MTA3: variants seen among roughly 807,000 people sequenced by gnomAD.
The protein encoded by MTA3 is metastasis associated 1 family member 3.
Under a neutral mutation model 83.5 loss-of-function variants are expected in MTA3, and 34 were observed. The observed-to-expected ratio is 0.41, with a 90% confidence interval of 0.31 to 0.54. MTA3 has a LOEUF of 0.54. Ranked by LOEUF, MTA3 falls within the 20% of genes least tolerant of loss-of-function variation. The probability of loss-of-function intolerance (pLI) is 0.33; values close to 1 mark genes in which losing one functional copy is unlikely to be tolerated. For synonymous variants in MTA3, 303 were observed against 252.7 expected (o/e 1.20, Z -1.89); for missense variants, 761 against 726.4 (o/e 1.05, Z -0.55).
chr2:42,752,928 C>CTTTT lies in MTA3; in HGVS notation c.1760-446_1760-445insTTTT, dbSNP rs369993784. Among the ~76,000 whole-genome samples the CTTTT allele has an allele frequency of 5.7e-5, 8 of 139,916 alleles. 1 individual carries two copies. The highest frequency in any genetic ancestry group is 4.6e-5 in the Non-Finnish European group (3 of 65,632). The allele number at this position is 139,916 out of a possible 152,430, so 91.8% of individuals were successfully genotyped here. A position where few individuals can be genotyped will look rare whatever the true frequency, so the allele number is the denominator to read the frequency against. Reference sequence around the variant, plus strand: ...TCCAGTGTTAAACTACATTGTGAGCCCTTTTTTTTTTTTTCAGACAGGGTC... The same window carrying CTTTT: ...TCCAGTGTTAAACTACATTGTGAGCCTTTTCTTTTTTTTTTTTTCAGACAGGGTC... On this transcript the variant is annotated intron_variant, in intron 16 of 16. Coordinates refer to ENST00000405094, the MANE Select transcript of MTA3 (RefSeq NM_001330442.2).
At chr2:42,643,908 T>C (rs1370699683) in intron 5 of MTA3, among the ~76,000 whole-genome samples, 2 of 152,240 alleles carry the variant, frequency 1.3e-5, no homozygotes, top group Non-Finnish European at 2.9e-5. Context: ...ATAATCTACT[T>C]TGTTTCAAGC....
In MTA3 at chr2:42,754,543, C is replaced by A; in HGVS notation, c.*1144C>A. ...GTGCTGAGTAGCTGTGCTACTTGTG[C>A]TGGCAGCTGCAAGGATAGGAATAGC... On this transcript the variant is annotated 3_prime_UTR_variant, in exon 17 of 17. Coordinates refer to ENST00000405094, the MANE Select transcript of MTA3 (RefSeq NM_001330442.2). The A allele has an allele frequency of 1.0e-6, 1 of 985,442 alleles. No homozygotes were observed. Among genetic ancestry groups the A allele is most frequent in the Non-Finnish European group, 1.2e-6 (1 of 829,936 alleles). 61.0% of individuals were successfully genotyped at this position (985,442 alleles called of 1,614,324 possible). A position where few individuals can be genotyped will look rare whatever the true frequency, so the allele number is the denominator to read the frequency against.
At chr2:42,672,699 C>G (rs1690935686) in intron 8 of MTA3, among the ~76,000 whole-genome samples, 1 of 135,494 alleles carries the variant, frequency 7.4e-6, no homozygotes, top group Non-Finnish European at 1.6e-5. Context: ...TGAGTACACA[C>G]AAGAACATGA....
chr2:42,591,485 A>C (rs1300644104), intron 3 of MTA3, among the ~76,000 whole-genome samples: 2 of 152,078 alleles, frequency 1.3e-5, no homozygotes. Context: ...GAATTAACCC[A>C]ATTTATTATA....
intron 3 of MTA3, among the ~76,000 whole-genome samples, chr2:42,594,744 T>TTTTTTTTTTTA (rs1681548619): frequency 1.1e-4 from 5 of 47,186 alleles, no homozygotes; most frequent in Admixed American, 3.3e-4. Flanking sequence ...TTTTTTTTTT[T>TTTTTTTTTTTA]GAGACAGAGT....
intron 3 of MTA3, among the ~76,000 whole-genome samples, chr2:42,599,955 G>T (rs554895560): frequency 6.4e-4 from 98 of 152,220 alleles, no homozygotes; most frequent in African/African-American, 2.2e-3. Context: ...CCAGCACTTT[G>T]GGAGGCCGAG....
chr2:42,531,515 C>T (rs947823850), intron 2 of MTA3, among the ~76,000 whole-genome samples: 3 of 136,134 alleles, frequency 2.2e-5, no homozygotes, highest in African/African-American at 8.4e-5. Flanking sequence ...TGCAGTGGCC[C>T]AATCTTGGCT....
At chr2:42,605,675 C>A (rs1393374273) in intron 3 of MTA3, among the ~76,000 whole-genome samples, 2 of 126,524 alleles carry the variant, frequency 1.6e-5, no homozygotes, top group East Asian at 2.5e-4. Context: ...CTGACCCCCC[C>A]ACCTCCCTCC....
At chr2:42,647,795 C>CT (rs1191393526) in intron 6 of MTA3, among the ~76,000 whole-genome samples, 2 of 152,276 alleles carry the variant, frequency 1.3e-5, no homozygotes, top group African/African-American at 4.8e-5. Context: ...CAGAATGTTT[C>CT]TTTTCACTTG....
chr2:42,642,214 A>G (rs573089504), intron 5 of MTA3, among the ~76,000 whole-genome samples: 2 of 152,180 alleles, frequency 1.3e-5, no homozygotes, highest in Non-Finnish European at 2.9e-5. Context: ...ATCAGGACAT[A>G]GAAATCTAAG....
intron 9 of MTA3, 103 bp from the exon 10 acceptor site, chr2:42,695,658 AAAAG>A: frequency 6.2e-6 from 3 of 486,216 alleles, no homozygotes; most frequent in South Asian, 2.8e-5. Flanking sequence ...AAAAAAAAAA[AAAAG>A]AAAGTGGTGG....
chr2:42,746,685 G>C (rs1249362717), intron 16 of MTA3, among the ~76,000 whole-genome samples: 2 of 152,192 alleles, frequency 1.3e-5, no homozygotes, highest in East Asian at 3.8e-4. Flanking sequence ...GTAGATCCTA[G>C]AATAGGAGAA....
chr2:42,690,214 A>G (rs1455108505), intron 9 of MTA3, among the ~76,000 whole-genome samples: 1 of 152,198 alleles, frequency 6.6e-6, no homozygotes, highest in Non-Finnish European at 1.5e-5. Context: ...ATTAATTTGA[A>G]ATCTTTCTTC....
chr2:42,730,110 A>C (rs1668138723), intron 16 of MTA3, among the ~76,000 whole-genome samples: 1 of 152,138 alleles, frequency 6.6e-6, no homozygotes, highest in Non-Finnish European at 1.5e-5. Context: ...GTCAGTTCTA[A>C]TAGCTTTCTT....
intron 2 of MTA3, among the ~76,000 whole-genome samples, chr2:42,526,121 T>C (rs1675698827): frequency 1.3e-5 from 2 of 152,148 alleles, no homozygotes; most frequent in African/African-American, 4.8e-5. Flanking sequence ...GAACCAACAG[T>C]AACAATGCTC....
chr2:42,538,158 G>T (rs957240399), intron 2 of MTA3, among the ~76,000 whole-genome samples: 1 of 152,124 alleles, frequency 6.6e-6, no homozygotes, highest in Non-Finnish European at 1.5e-5. Flanking sequence ...GCGTGAACCC[G>T]GGAGGTGGAG....
At chr2:42,673,484 G>C (rs191543468) in intron 8 of MTA3, among the ~76,000 whole-genome samples, 30 of 152,332 alleles carry the variant, frequency 2.0e-4, no homozygotes, top group Admixed American at 2.0e-3. Context: ...GTAGCCATCA[G>C]TTGCAGAGCA....
intron 2 of MTA3, among the ~76,000 whole-genome samples, chr2:42,533,880 C>T (rs1020339134): frequency 3.3e-5 from 5 of 151,224 alleles, no homozygotes; most frequent in Admixed American, 3.3e-4. Flanking sequence ...AATGGCTATT[C>T]CATAGACAGA....
chr2:42,707,387 G>T (rs952287685), intron 12 of MTA3, among the ~76,000 whole-genome samples: 1 of 152,044 alleles, frequency 6.6e-6, no homozygotes, highest in Middle Eastern at 3.2e-3. Context: ...AGGACTACAG[G>T]TGCGTGCCAC....
Sources: allele counts gnomAD v4.1 joint callset (sites outside exome capture counted in the v4.1 genomes callset), GRCh38; gene constraint gnomAD v4.1.1; transcripts MANE v1.5; gene names NCBI Gene and HGNC (gene_info 2026-07-23, HGNC 2026-07-21).